Variants in EHMT2 observed in about 807,000 individuals in gnomAD.
EHMT2 encodes the protein euchromatic histone lysine methyltransferase 2.
Under a neutral mutation model 143.3 loss-of-function variants are expected in EHMT2, and 59 were observed. The observed-to-expected ratio is 0.41, with a 90% CI of 0.33 to 0.51. The LOEUF (loss-of-function observed/expected upper bound fraction) is 0.51. Ranked by LOEUF, EHMT2 falls within the 20% of genes least tolerant of loss-of-function variation. The probability of loss-of-function intolerance (pLI) is 0.18; values close to 1 mark genes in which losing one functional copy is unlikely to be tolerated. For missense variants in EHMT2, 1,174 were observed against 1,645.9 expected (o/e 0.71, Z 4.96); for synonymous variants, 604 against 651.5 (o/e 0.93, Z 1.11).
intron 1 of EHMT2, 74 bp downstream of exon 1, chr6:31,897,562 G>T: frequency 9.1e-7 from 1 of 1,096,286 alleles, no homozygotes; most frequent in Non-Finnish European, 1.1e-6. Context: ...CACCCCCGGA[G>T]CATTGCACGG....
Position 31,884,818 on chromosome 6 carries a change from A to G in EHMT2, c.2449-19T>C. On this transcript the variant is annotated intron_variant, in intron 19 of 27. Coordinates refer to ENST00000375537, the Ensembl canonical transcript of EHMT2. The surrounding 1 kb of genome is among the most constrained non-coding windows in gnomAD (Gnocchi z 7.3). ...TCTCCTCCTGTGGAGGTAGGAGGGGAACAGATGAGGTGCAGGCAGCTGGGC... is the reference window on the plus strand; with the variant it reads ...TCTCCTCCTGTGGAGGTAGGAGGGGGACAGATGAGGTGCAGGCAGCTGGGC... The G allele has an allele frequency of 6.3e-7, 1 of 1,589,484 alleles. No homozygotes were observed. Among genetic ancestry groups the G allele is most frequent in the Non-Finnish European group, 8.6e-7 (1 of 1,165,462 alleles).
Position 31,883,183 on chromosome 6 carries a change from G to T in EHMT2, c.2995-174C>A. On this transcript the variant is annotated intron_variant, in intron 23 of 27. Transcript: ENST00000375537. The surrounding 1 kb of genome is among the most constrained non-coding windows in gnomAD (Gnocchi z 5.6). ...TCATCCCTGGTTTGCATAGACCTGG[G>T]CACACGCCCATCGCTGTCCCAGCCA... is the stretch of plus-strand genomic sequence containing the variant. 1 of 856,952 alleles carries T rather than the reference G, an allele frequency of 1.2e-6. No homozygotes were observed. Among genetic ancestry groups the T allele is most frequent in the Non-Finnish European group, 1.9e-6 (1 of 536,078 alleles). The allele number at this position is 856,952 out of a possible 1,614,324, so 53.1% of individuals were successfully genotyped here.
At chr6:31,882,634 C>A in intron 25 of EHMT2, 65 bp downstream of exon 25, 1 of 1,491,586 alleles carries the variant, frequency 6.7e-7, no homozygotes. Flanking sequence ...AGAGGGAGGC[C>A]TGGCAGTCAG....
At chr6:31,891,411 G>A (rs1404821121) in intron 7 of EHMT2, among the ~76,000 whole-genome samples, 2 of 152,116 alleles carry the variant, frequency 1.3e-5, no homozygotes, top group Non-Finnish European at 1.5e-5. Context: ...GATGTTGAAC[G>A]ACAAAAAGAG....
exon 4 of EHMT2, chr6:31,896,401 A>G: frequency 1.2e-6 from 2 of 1,613,006 alleles, no homozygotes; most frequent in Non-Finnish European, 8.5e-7. Context: ...GTAGCCTCAT[A>G]GCCAAACTCT....
rs145793615 is a variant in EHMT2, at chr6:31,889,162, C to T, written c.1114+66G>A. 2.4e-3 allele frequency: 3,783 copies of T among 1,544,366 alleles called. 27 individuals are homozygous for T. Among genetic ancestry groups the T allele is most frequent in the East Asian group, 0.014 (579 of 42,494 alleles). On this transcript the variant is annotated intron_variant, in intron 9 of 27. Coordinates refer to ENST00000375537, the Ensembl canonical transcript of EHMT2. This position sits in a 1 kb window ranked among gnomAD's most constrained non-coding sequence, Gnocchi z 5.1. ...GTGGACATGCGAGAGCGTGTGTGTG[C>T]GTGCACACACTCTGGGGGGCCGGGC...
In EHMT2 at chr6:31,890,079, C is replaced by T. The variant is rs556917702; in HGVS notation, c.865-477G>A. 2.2e-4 allele frequency among the ~76,000 whole-genome samples: 33 copies of T among 152,130 alleles called. 1 individual carries two copies. Among genetic ancestry groups the T allele is most frequent in the Admixed American group, 4.6e-4 (7 of 15,278 alleles). ...GATGTGATGTGGCCAGAAGCACTTG[C>T]ACCCACTGTCAAGTCTTCTTGGCAC... On this transcript the variant is annotated intron_variant, in intron 7 of 27. Transcript: ENST00000375537.
Position 31,884,171 on chromosome 6 carries a change from A to G in EHMT2, c.2771+221T>C. Reference sequence around the variant, plus strand: ...ACACAGGACATTCTCACACTAAAAAAGTATGCATCTGTGCATCTGAAATTC... The same window carrying G: ...ACACAGGACATTCTCACACTAAAAAGGTATGCATCTGTGCATCTGAAATTC... On this transcript the variant is annotated intron_variant, in intron 21 of 27. Coordinates refer to ENST00000375537, the Ensembl canonical transcript of EHMT2. This position sits in a 1 kb window ranked among gnomAD's most constrained non-coding sequence, Gnocchi z 7.3. 1.4e-6 allele frequency: 1 copy of G among 701,234 alleles called. No individual in the cohort carries two copies. Among genetic ancestry groups the G allele is most frequent in the Admixed American group, 3.0e-5 (1 of 33,856 alleles). The allele number at this position is 701,234 out of a possible 1,614,324, so 43.4% of individuals were successfully genotyped here.
At chr6:31,893,704 T>C (rs1765994380) in intron 4 of EHMT2, 2 of 275,744 alleles carry the variant, frequency 7.3e-6, no homozygotes, top group South Asian at 4.2e-5. Context: ...TGGTACAACA[T>C]AGATGAACCT....
chr6:31,891,245 G>A (rs527837667), intron 7 of EHMT2, among the ~76,000 whole-genome samples: 7 of 152,316 alleles, frequency 4.6e-5, no homozygotes, highest in African/African-American at 1.4e-4. Context: ...GTGCCTGGCT[G>A]ACCTAAGACA....
At position 31,889,097 on chromosome 6, in the gene EHMT2, G is replaced by A. The variant is rs1464077751; in HGVS notation, c.1115-27C>T. On this transcript the variant is annotated intron_variant, in intron 9 of 27. Coordinates refer to ENST00000375537, the Ensembl canonical transcript of EHMT2. The surrounding 1 kb of genome is among the most constrained non-coding windows in gnomAD (Gnocchi z 5.1). ...TGACACAGAGACAGAGAGAGTGAGA[G>A]TGCGAGCTCACAGGTGCCTGGACGC... 6 of 1,583,196 alleles carry A rather than the reference G, an allele frequency of 3.8e-6. No homozygotes were observed. The highest frequency in any genetic ancestry group is 1.8e-5 in the Admixed American group (1 of 54,606).
chr6:31,892,892 G>A (rs1187974630), exon 5 of EHMT2: 2 of 1,580,120 alleles, frequency 1.3e-6, no homozygotes, highest in Non-Finnish European at 1.7e-6. Context: ...TCAGGGGGCC[G>A]CTTCTCAGGG....
rs1764491369 is a variant in EHMT2, at chr6:31,884,165, TA to T, written c.2772-216del. On this transcript the variant is annotated intron_variant, in intron 21 of 27. Transcript: ENST00000375537. The surrounding 1 kb of genome is among the most constrained non-coding windows in gnomAD (Gnocchi z 7.3). Reference sequence around the variant, plus strand: ...AAAATTACACAGGACATTCTCACACTAAAAAAGTATGCATCTGTGCATCTGA... The same window carrying T: ...AAAATTACACAGGACATTCTCACACTAAAAAGTATGCATCTGTGCATCTGA... The T allele has an allele frequency of 1.4e-6, 1 of 701,658 alleles. No individual in the cohort carries two copies. Among genetic ancestry groups the T allele is most frequent in the Non-Finnish European group, 2.3e-6 (1 of 432,528 alleles). 43.5% of individuals were successfully genotyped at this position (701,658 alleles called of 1,614,324 possible). A position where few individuals can be genotyped will look rare whatever the true frequency, so the allele number is the denominator to read the frequency against.
chr6:31,896,508 T>C, exon 4 of EHMT2: 1 of 1,612,798 alleles, frequency 6.2e-7, no homozygotes. Context: ...AATGACTTTG[T>C]GGCATGGCCT....
In EHMT2 at chr6:31,884,947, G is replaced by A; in HGVS notation, c.2413C>T (p.Leu805=). 6.2e-7 allele frequency: 1 copy of A among 1,610,402 alleles called. No homozygotes were observed. The highest frequency in any genetic ancestry group is 8.5e-7 in the Non-Finnish European group (1 of 1,177,370). ...AGGGTGACGTCGGCGCCCCGCGTCA[G>A]TAGCATGCGGATCACCTCGATGTGC... Residue 805 remains leucine, a synonymous_variant, in exon 19 of 28, where the codon CTG becomes TTG. Transcript: ENST00000375537. The surrounding 1 kb of genome is among the most constrained non-coding windows in gnomAD (Gnocchi z 7.3).
In EHMT2 at chr6:31,880,591, AG is replaced by A; in HGVS notation, c.3452+81del. The stretch of plus-strand genomic sequence containing the variant: ...CTGCACTACTCCATGCCTGGACACC[AG>A]GTACATGCCAGCCTTCAGGTCCCAG... On this transcript the variant is annotated intron_variant, in intron 27 of 27. Transcript: ENST00000375537. The surrounding 1 kb of genome is among the most constrained non-coding windows in gnomAD (Gnocchi z 6.6). 1.4e-6 allele frequency: 2 copies of A among 1,437,694 alleles called. No individual in the cohort carries two copies. Among genetic ancestry groups the A allele is most frequent in the Non-Finnish European group, 1.9e-6 (2 of 1,036,224 alleles). The allele number at this position is 1,437,694 out of a possible 1,614,324, so 89.1% of individuals were successfully genotyped here.
rs1342406864 is a variant in EHMT2 at position 31,881,695 on chromosome 6, A to G, written c.3198-603T>C. Reference sequence around the variant, plus strand: ...CAGGCAGTGAGTGGATGGTGGGGAAACTGAGGCCCAGCAGGAAGGGGCTGC... The same window carrying G: ...CAGGCAGTGAGTGGATGGTGGGGAAGCTGAGGCCCAGCAGGAAGGGGCTGC... On this transcript the variant is annotated intron_variant, in intron 25 of 27. Coordinates refer to ENST00000375537, the Ensembl canonical transcript of EHMT2. This position sits in a 1 kb window ranked among gnomAD's most constrained non-coding sequence, Gnocchi z 4.8. 6.2e-6 allele frequency: 1 copy of G among 162,136 alleles called. No homozygotes were observed. The highest frequency in any genetic ancestry group is 1.4e-5 in the Non-Finnish European group (1 of 73,264). The allele number at this position is 162,136 out of a possible 1,614,324, so 10.0% of individuals were successfully genotyped here.
At chr6:31,897,607 C>T in intron 1 of EHMT2, 29 bp downstream of exon 1, 4 of 1,140,182 alleles carry the variant, frequency 3.5e-6, no homozygotes, top group Non-Finnish European at 4.3e-6. Context: ...CGCGGGCATG[C>T]ACCCGCCTCT....
intron 18 of EHMT2, 26 bp downstream of exon 18, chr6:31,886,555 G>GGGGCT (rs780315877): frequency 9.3e-5 from 149 of 1,596,580 alleles, no homozygotes; most frequent in Admixed American, 3.0e-4. Context: ...GGGACCCAGA[G>GGGGCT]GGGCTGGGCT....
Sources: gnomAD v4.1 joint callset for allele counts (sites outside exome capture counted in the v4.1 genomes callset) on GRCh38, gnomAD v4.1.1 for gene constraint, Gnocchi (gnomAD v3.1) non-coding constraint, MANE v1.5 for transcripts, NCBI Gene and HGNC (gene_info 2026-07-23, HGNC 2026-07-21) for gene names.